Variants in MDM1 observed in about 807,000 individuals in gnomAD.
The protein encoded by MDM1 is stabilizer of axonemal microtubules 6.
Under a neutral mutation model 89.1 loss-of-function variants are expected in MDM1, and 61 were observed. That is an observed-to-expected ratio of 0.68 (90% CI 0.56 to 0.85). The LOEUF (loss-of-function observed/expected upper bound fraction) is 0.85. MDM1 is among the 40% of genes least tolerant of loss of function. The pLI is 0.00. For missense variants in MDM1, 820 were observed against 846.5 expected (o/e 0.97, Z 0.39); for synonymous variants, 290 against 294.1 (o/e 0.99, Z 0.14).
chr12:68,303,752 T>C (rs1457466190), intron 12 of MDM1, among the ~76,000 whole-genome samples: 2 of 152,192 alleles, frequency 1.3e-5, no homozygotes, highest in East Asian at 3.8e-4. Context: ...AAAACCTTTC[T>C]ACACTATGAT....
chr12:68,304,822 T>A (rs1276220586), intron 12 of MDM1, among the ~76,000 whole-genome samples: 2 of 152,232 alleles, frequency 1.3e-5, no homozygotes, highest in East Asian at 3.8e-4. Flanking sequence ...CCACAGTGAC[T>A]TGATTTGCCC....
Position 68,321,580 on chromosome 12 carries a change from T to C in MDM1, c.850A>G (p.Lys284Glu), listed in dbSNP as rs763842476. The C allele has an allele frequency of 3.1e-6, 5 of 1,613,098 alleles. No homozygotes were observed. The highest frequency in any genetic ancestry group is 4.2e-6 in the Non-Finnish European group (5 of 1,179,764). ...RLKLEAEMELKDLHQPKRKLT... is the reference protein window; with the variant it reads ...RLKLEAEMELEDLHQPKRKLT... ...TTCCTTTTAGGCTGGTGTAAGTCTT[T>C]TAATTCCATCTCTGCTTCCAATTTT... is the stretch of plus-strand genomic sequence containing the variant. Residue 284 changes from lysine to glutamate, a missense_variant, in exon 6 of 15, where the codon AAA (lysine) becomes GAA (glutamate). Transcript: ENST00000682720.
At chr12:68,313,621 A>C (rs1369486871) in intron 11 of MDM1, 23 bp downstream of exon 11, 1 of 1,608,580 alleles carries the variant, frequency 6.2e-7, no homozygotes, top group Non-Finnish European at 8.5e-7. Context: ...TTAAATAAGA[A>C]CTGCACGGTG....
chr12:68,331,502 G>C (rs1466397169), intron 1 of MDM1, among the ~76,000 whole-genome samples: 2 of 152,178 alleles, frequency 1.3e-5, no homozygotes, highest in Admixed American at 1.3e-4. Flanking sequence ...CAAAGCATGA[G>C]TTCTTGTCGG....
At chr12:68,296,690 G>A (rs915687393) in intron 14 of MDM1, among the ~76,000 whole-genome samples, 2 of 152,146 alleles carry the variant, frequency 1.3e-5, no homozygotes, top group Non-Finnish European at 2.9e-5. Context: ...CAGCTGTGAT[G>A]TCAGGCACAA....
intron 14 of MDM1, 131 bp downstream of exon 14, chr12:68,296,792 C>A (rs960253768): frequency 5.5e-6 from 3 of 547,426 alleles, no homozygotes; most frequent in Admixed American, 4.2e-5. Context: ...CTCCCCCTCA[C>A]AGGGTTTCAA....
intron 3 of MDM1, 182 bp downstream of exon 3, chr12:68,326,475 T>G (rs1470733704): frequency 6.7e-7 from 1 of 1,495,862 alleles, no homozygotes; most frequent in South Asian, 1.4e-5. Context: ...TAGCGAGTAG[T>G]CAGAATAGAA....
chr12:68,316,653 C>G, intron 7 of MDM1, 43 bp from the exon 8 acceptor site: 2 of 1,423,788 alleles, frequency 1.4e-6, no homozygotes, highest in African/African-American at 2.8e-5. Context: ...TAGGTTAATG[C>G]CATAATTGAA....
At chr12:68,326,278 G>A (rs1875962340) in intron 3 of MDM1, 5 of 1,234,644 alleles carry the variant, frequency 4.0e-6, no homozygotes, top group Non-Finnish European at 5.1e-6. Context: ...TCTTGTACAC[G>A]ATAAGAAACT....
chr12:68,302,874 T>C lies in MDM1; in HGVS notation c.1750-2A>G, dbSNP rs1433741736. 1 of 999,840 alleles carries C rather than the reference T, an allele frequency of 1.0e-6. No individual in the cohort carries two copies. The highest frequency in any genetic ancestry group is 1.3e-6 in the Non-Finnish European group (1 of 777,446). 61.9% of individuals were successfully genotyped at this position (999,840 alleles called of 1,614,324 possible). Reference sequence around the variant, plus strand: ...TAGGGATACAGCACGACTTTCTTTCTAAATGACAAAAAAAAAAAAAAAAAA... The same window carrying C: ...TAGGGATACAGCACGACTTTCTTTCCAAATGACAAAAAAAAAAAAAAAAAA... On this transcript the variant is annotated splice_acceptor_variant, in intron 12 of 14. Coordinates refer to ENST00000682720, the MANE Select transcript of MDM1 (RefSeq NM_001354969.2). LOFTEE classifies it high-confidence loss of function.
At chr12:68,331,351 CCTT>C in intron 1 of MDM1, 130 bp from the exon 2 acceptor site, 1 of 666,416 alleles carries the variant, frequency 1.5e-6, no homozygotes. Context: ...CAGACGAGCT[CCTT>C]AATAAGAGCT....
At chr12:68,310,445 A>G (rs1468566642) in intron 12 of MDM1, among the ~76,000 whole-genome samples, 3 of 152,224 alleles carry the variant, frequency 2.0e-5, no homozygotes, top group African/African-American at 7.2e-5. Context: ...ACAAATATGG[A>G]TGAGTCACTC....
rs1875454776 is a variant in MDM1, at chr12:68,323,097, A to C, written c.777T>G (p.Leu259=). ...CCTTCCTTTCAGGAGACACTGTTTC[A>C]AGATTTCTGTTTTCTCTCAAATCAT... ...LRNDLRENRN[L]ETVSPERKSN... The change falls in exon 5 of 15, where the codon CTT becomes CTG. Residue 259 remains leucine, a synonymous_variant. Transcript: ENST00000682720. 6.2e-7 allele frequency: 1 copy of C among 1,607,840 alleles called. No individual in the cohort carries two copies. Among genetic ancestry groups the C allele is most frequent in the Non-Finnish European group, 8.5e-7 (1 of 1,178,306 alleles).
chr12:68,325,439 A>G lies in MDM1; in HGVS notation c.633+2T>C. On this transcript the variant is annotated splice_donor_variant, in intron 4 of 14. Transcript: ENST00000682720. LOFTEE classifies it high-confidence loss of function. ...AGAAATGTATTACATCCATTAAGCTACCTGATTGGCTGCAAAAGCTGGAGC... is the reference window on the plus strand; with the variant it reads ...AGAAATGTATTACATCCATTAAGCTGCCTGATTGGCTGCAAAAGCTGGAGC... 6.4e-7 allele frequency: 1 copy of G among 1,568,440 alleles called. No homozygotes were observed. Among genetic ancestry groups the G allele is most frequent in the Non-Finnish European group, 8.6e-7 (1 of 1,159,920 alleles).
intron 7 of MDM1, among the ~76,000 whole-genome samples, chr12:68,317,277 A>G (rs1452483983): frequency 6.6e-6 from 1 of 152,118 alleles, no homozygotes; most frequent in Non-Finnish European, 1.5e-5. Context: ...CAATTCCACA[A>G]TGTAAAAAAA....
intron 2 of MDM1, among the ~76,000 whole-genome samples, chr12:68,330,332 T>C (rs1298511794): frequency 6.6e-6 from 1 of 152,036 alleles, no homozygotes; most frequent in Non-Finnish European, 1.5e-5. Context: ...AGAAAGAGAG[T>C]TTTTATTTCT....
chr12:68,321,273 G>T lies in MDM1; in HGVS notation c.1005+74C>A, dbSNP rs1875184766. 8.0e-6 allele frequency: 9 copies of T among 1,131,464 alleles called. No homozygotes were observed. In the East Asian group the frequency reaches 1.7e-4, roughly 21 times the overall value. 70.1% of individuals were successfully genotyped at this position (1,131,464 alleles called of 1,614,324 possible). On this transcript the variant is annotated intron_variant, in intron 7 of 14. Transcript: ENST00000682720. ...AAATTGTGGTCTCTATTACCAAAAG[G>T]AACTCGTTGTGAAATTAAAGTGTTA...
At chr12:68,313,821 G>T in intron 10 of MDM1, 68 bp from the exon 11 acceptor site, 1 of 1,331,514 alleles carries the variant, frequency 7.5e-7, no homozygotes, top group African/African-American at 1.5e-5. Flanking sequence ...AAAATACTTT[G>T]CCATCATTGT....
rs1364177813 is a variant in MDM1, at chr12:68,313,368, C to G, written c.1749+75G>C. 3.9e-6 allele frequency: 4 copies of G among 1,028,026 alleles called. No individual in the cohort carries two copies. The African/African-American group carries it at 4.7e-5, about 12-fold the overall frequency. 63.7% of individuals were successfully genotyped at this position (1,028,026 alleles called of 1,614,324 possible). A position where few individuals can be genotyped will look rare whatever the true frequency, so the allele number is the denominator to read the frequency against. On this transcript the variant is annotated intron_variant, in intron 12 of 14. Coordinates refer to ENST00000682720, the MANE Select transcript of MDM1 (RefSeq NM_001354969.2). The stretch of plus-strand genomic sequence containing the variant: ...AGCCACAATTCTCTAAAATCTTAAC[C>G]CATCATTCATTTATTACATGTGTCT...
Sources: gnomAD v4.1 joint callset for allele counts (sites outside exome capture counted in the v4.1 genomes callset) on GRCh38, gnomAD v4.1.1 for gene constraint, MANE v1.5 for transcripts, NCBI Gene and HGNC (gene_info 2026-07-23, HGNC 2026-07-21) for gene names.